CPPED1: variants seen among roughly 807,000 people sequenced by gnomAD.
CPPED1 encodes the protein calcineurin like phosphoesterase domain containing 1, also known as serine/threonine-protein phosphatase CPPED1.
Under a neutral mutation model 28.0 loss-of-function variants are expected in CPPED1, and 28 were observed. That is an observed-to-expected ratio of 1.00 (90% CI 0.74 to 1.37). The LOEUF is 1.37. Among genes scored for constraint, CPPED1 ranks in the 40% most tolerant of loss-of-function variants. The pLI, the probability that CPPED1 is intolerant of heterozygous loss-of-function variation, is 0.00. For synonymous variants in CPPED1, 198 were observed against 180.2 expected (o/e 1.10, Z -0.79); for missense variants, 504 against 416.5 (o/e 1.21, Z -1.83).
intron 2 of CPPED1, among the ~76,000 whole-genome samples, chr16:12,765,071 G>A (rs2080431342): frequency 6.6e-6 from 1 of 152,160 alleles, no homozygotes; most frequent in African/African-American, 2.4e-5. Flanking sequence ...AGTCTGGAGT[G>A]GAACTCAAGT....
chr16:12,715,533 A>T (rs772566475), intron 2 of CPPED1, among the ~76,000 whole-genome samples: 2 of 152,082 alleles, frequency 1.3e-5, no homozygotes, highest in African/African-American at 2.4e-5. Context: ...GGTGGCACAC[A>T]TCTGTAACCC....
At chr16:12,743,279 A>G (rs2080265912) in intron 2 of CPPED1, among the ~76,000 whole-genome samples, 1 of 152,182 alleles carries the variant, frequency 6.6e-6, no homozygotes, top group South Asian at 2.1e-4. Context: ...CACTGGCATA[A>G]CCAAGTGGAA....
At chr16:12,773,761 A>G (rs2080482635) in intron 2 of CPPED1, among the ~76,000 whole-genome samples, 1 of 152,174 alleles carries the variant, frequency 6.6e-6, no homozygotes, top group Non-Finnish European at 1.5e-5. Flanking sequence ...AATAAATAAT[A>G]AAATAAAAAG....
chr16:12,781,823 T>C (rs2080533515), intron 1 of CPPED1, among the ~76,000 whole-genome samples: 1 of 152,190 alleles, frequency 6.6e-6, no homozygotes, highest in African/African-American at 2.4e-5. Flanking sequence ...TTACACATCT[T>C]TTCTGTGAGG....
chr16:12,704,683 T>C lies in CPPED1; in HGVS notation c.656A>G (p.Tyr219Cys), dbSNP rs773071674. 3.7e-6 allele frequency: 6 copies of C among 1,614,208 alleles called. No homozygotes were observed. Among genetic ancestry groups the C allele is most frequent in the Non-Finnish European group, 5.1e-6 (6 of 1,180,014 alleles). The change falls in exon 3 of 4, where the codon TAC becomes TGC. Residue 219 changes from tyrosine to cysteine, a missense_variant. By Grantham distance (194) the Tyr-to-Cys change is radical (BLOSUM62 -2). Coordinates refer to ENST00000381774, the MANE Select transcript of CPPED1 (RefSeq NM_018340.3). ...AGTGGACTTGCTGAGGTTGAAGTAG[T>C]AGTCGTCGTCCTCGTCGATGCTCTC... Reference protein sequence around the residue: ...FLESIDEDDDYYFNLSKSTRK... With the variant: ...FLESIDEDDDCYFNLSKSTRK...
intron 2 of CPPED1, among the ~76,000 whole-genome samples, chr16:12,737,047 G>A (rs1039209755): frequency 6.6e-6 from 1 of 152,046 alleles, no homozygotes; most frequent in Non-Finnish European, 1.5e-5. Context: ...AAAATTAGCT[G>A]GGTGCGATGG....
intron 1 of CPPED1, among the ~76,000 whole-genome samples, chr16:12,781,767 T>C (rs1165300905): frequency 2.6e-5 from 4 of 152,116 alleles, no homozygotes; most frequent in African/African-American, 7.2e-5. Flanking sequence ...ACTCCCCAAA[T>C]TGAATGCTGC....
rs780849135 is a variant in CPPED1 at position 12,670,788 on chromosome 16, G to A, written c.716-5673C>T. Among the ~76,000 whole-genome samples, 1 of 152,134 alleles carries A rather than the reference G, an allele frequency of 6.6e-6. No individual in the cohort carries two copies. The highest frequency in any genetic ancestry group is 1.5e-5 in the Non-Finnish European group (1 of 68,022). ...GAAACTATCACAGCCAAGAGGAACC[G>A]AAGCACATACGATGACTAAATGTAA... On this transcript the variant is annotated intron_variant, in intron 3 of 3. Coordinates refer to ENST00000381774, the MANE Select transcript of CPPED1 (RefSeq NM_018340.3). This position sits in a 1 kb window ranked among gnomAD's most constrained non-coding sequence, Gnocchi z 4.2.
At chr16:12,724,515 C>T (rs976079749) in intron 2 of CPPED1, among the ~76,000 whole-genome samples, 4 of 152,290 alleles carry the variant, frequency 2.6e-5, no homozygotes, top group South Asian at 2.1e-4. Flanking sequence ...CAATCACAAA[C>T]GGCTTACAGC....
intron 1 of CPPED1, among the ~76,000 whole-genome samples, chr16:12,791,730 G>C (rs1306252979): frequency 1.3e-5 from 2 of 152,154 alleles, no homozygotes; most frequent in East Asian, 3.9e-4. Context: ...CCCTTAACCA[G>C]ATCATCAAAT....
chr16:12,716,325 C>G (rs2080106932), intron 2 of CPPED1, among the ~76,000 whole-genome samples: 1 of 152,224 alleles, frequency 6.6e-6, no homozygotes. Context: ...CTTCTGGGCA[C>G]TTGGTACACA....
intron 2 of CPPED1, chr16:12,753,871 G>C (rs1263898242): frequency 1.3e-5 from 2 of 152,218 alleles, no homozygotes; most frequent in Admixed American, 1.3e-4. Flanking sequence ...TCCAGGAAAA[G>C]AGGAAATGAA....
At chr16:12,769,392 A>C (rs577684087) in intron 2 of CPPED1, among the ~76,000 whole-genome samples, 1 of 152,280 alleles carries the variant, frequency 6.6e-6, no homozygotes, top group East Asian at 1.9e-4. Flanking sequence ...AACTTGATGA[A>C]GGAATCCGAG....
At position 12,715,829 on chromosome 16, in the gene CPPED1, C is replaced by T. The variant is rs1299215138; in HGVS notation, c.290-10780G>A. On this transcript the variant is annotated intron_variant, in intron 2 of 3. Transcript: ENST00000381774. Reference sequence around the variant, plus strand: ...AGGCATGAGCCACCACTCTCAGCCCCAATGGGATGGTTTTAAGGAAGCTTG... The same window carrying T: ...AGGCATGAGCCACCACTCTCAGCCCTAATGGGATGGTTTTAAGGAAGCTTG... 2.0e-5 allele frequency among the ~76,000 whole-genome samples: 3 copies of T among 152,180 alleles called. No individual in the cohort carries two copies. The East Asian group carries it at 5.8e-4, about 29-fold the overall frequency.
At chr16:12,690,684 C>T (rs1450945262) in intron 3 of CPPED1, among the ~76,000 whole-genome samples, 2 of 141,806 alleles carry the variant, frequency 1.4e-5, no homozygotes, top group Admixed American at 1.4e-4. Flanking sequence ...AAAAAAAAGA[C>T]ACCATCAAGA....
chr16:12,705,461 T>TA (rs1231006253), intron 2 of CPPED1, among the ~76,000 whole-genome samples: 2 of 152,018 alleles, frequency 1.3e-5, no homozygotes, highest in Non-Finnish European at 2.9e-5. Flanking sequence ...CCTGTCTTCA[T>TA]AAAAAAGAAA....
chr16:12,796,000 T>C (rs1242536009), intron 1 of CPPED1, among the ~76,000 whole-genome samples: 1 of 151,152 alleles, frequency 6.6e-6, no homozygotes, highest in African/African-American at 2.4e-5. Context: ...GGAGAATCAC[T>C]TGAACCCAGG....
chr16:12,770,141 T>G (rs757685804), intron 2 of CPPED1, among the ~76,000 whole-genome samples: 2 of 152,140 alleles, frequency 1.3e-5, no homozygotes, highest in African/African-American at 4.8e-5. Context: ...AAATAAGAGA[T>G]AGCATGGAAG....
At position 12,667,760 on chromosome 16, in the gene CPPED1, T is replaced by C. The variant is rs187278746; in HGVS notation, c.716-2645A>G. 3.3e-3 allele frequency among the ~76,000 whole-genome samples: 495 copies of C among 152,136 alleles called. 1 individual carries two copies. Among genetic ancestry groups the C allele is most frequent in the Non-Finnish European group, 5.4e-3 (369 of 68,002 alleles). ...TCTCTGAATTCAAAAATTCAAAGGATAGATTAAGATCAGCAGAAGTTTAGA... is the reference window on the plus strand; with the variant it reads ...TCTCTGAATTCAAAAATTCAAAGGACAGATTAAGATCAGCAGAAGTTTAGA... On this transcript the variant is annotated intron_variant, in intron 3 of 3. Transcript: ENST00000381774.
Sources: allele counts gnomAD v4.1 joint callset (sites outside exome capture counted in the v4.1 genomes callset), GRCh38; gene constraint gnomAD v4.1.1; non-coding constraint Gnocchi (gnomAD v3.1); transcripts MANE v1.5; gene names NCBI Gene and HGNC (gene_info 2026-07-23, HGNC 2026-07-21).